The following IGDCC3 variants were observed in gnomAD, a reference collection of about 807,000 sequenced individuals.
IGDCC3 encodes immunoglobulin superfamily DCC subclass member 3.
In IGDCC3, 47 loss-of-function variants were observed where a neutral mutation model predicts 72.0. That is an observed-to-expected ratio of 0.65 (90% CI 0.52 to 0.83). IGDCC3 has a LOEUF of 0.83. Among genes scored for constraint, IGDCC3 ranks in the 40% least tolerant of loss-of-function variants. IGDCC3 has a pLI of 0.00. For missense variants in IGDCC3, 1,038 were observed against 1,091.3 expected (o/e 0.95, Z 0.69); for synonymous variants, 477 against 472.8 (o/e 1.01, Z -0.11).
chr15:65,350,893 CATG>C (rs1203127510), intron 2 of IGDCC3, among the ~76,000 whole-genome samples: 2 of 152,196 alleles, frequency 1.3e-5, no homozygotes, highest in Admixed American at 6.5e-5. Flanking sequence ...AACATTATAA[CATG>C]TAATTGAAAC....
rs754124725 is a variant in IGDCC3 at position 65,328,947 on chromosome 15, C to T, written c.2407G>A (p.Ala803Thr). 6.4e-7 allele frequency: 1 copy of T among 1,574,538 alleles called. No individual in the cohort carries two copies. The highest frequency in any genetic ancestry group is 8.6e-7 in the Non-Finnish European group (1 of 1,163,238). Residue 803 changes from alanine to threonine, a missense_variant, in exon 14 of 14, where the codon GCG (alanine) becomes ACG (threonine). Physicochemically the swap from Ala to Thr is moderately conservative, Grantham distance 58. Coordinates refer to ENST00000327987, the MANE Select transcript of IGDCC3 (RefSeq NM_004884.4). ...LSEGQASRPA[A>T]ARVTQPAHSE... is the part of the protein sequence containing the mutation. ...TGAGCTGGCTGGGTAACCCGGGCCG[C>T]TGCAGGCCTGGAAGCCTGGCCTTCA...
At chr15:65,346,521 A>T (rs962152859) in intron 2 of IGDCC3, among the ~76,000 whole-genome samples, 1 of 151,182 alleles carries the variant, frequency 6.6e-6, no homozygotes, top group African/African-American at 2.4e-5. Flanking sequence ...CAATGGCGCG[A>T]TCTCGGCTCA....
At chr15:65,350,304 T>C (rs532795599) in intron 2 of IGDCC3, among the ~76,000 whole-genome samples, 15 of 151,888 alleles carry the variant, frequency 9.9e-5, no homozygotes, top group African/African-American at 3.6e-4. Context: ...CTAATTTTTG[T>C]ATTTGTAGTA....
At chr15:65,352,104 A>G (rs2091178390) in intron 2 of IGDCC3, among the ~76,000 whole-genome samples, 1 of 152,262 alleles carries the variant, frequency 6.6e-6, no homozygotes, top group African/African-American at 2.4e-5. Context: ...AGTCAACTGA[A>G]TTAACTGAAC....
intron 2 of IGDCC3, among the ~76,000 whole-genome samples, chr15:65,364,295 T>G (rs1324809571): frequency 1.3e-5 from 2 of 152,226 alleles, no homozygotes; most frequent in African/African-American, 4.8e-5. Flanking sequence ...ATTCTGGGAT[T>G]TCGTTTACTC....
intron 2 of IGDCC3, among the ~76,000 whole-genome samples, chr15:65,365,497 GGTCAGT>G (rs754316951): frequency 1.2e-3 from 180 of 152,186 alleles, no homozygotes; most frequent in African/African-American, 4.0e-3. Flanking sequence ...CACCCACTGT[GGTCAGT>G]GTCAGTGTCA....
chr15:65,335,462 T>C lies in IGDCC3; in HGVS notation c.555-41A>G, dbSNP rs370798530. On this transcript the variant is annotated intron_variant, in intron 3 of 13. Transcript: ENST00000327987. ...ACATAGTTGGCCACCAGCACAGCCA[T>C]TGACATAATCAGCCACAAAGACTCT... 18 of 1,578,592 alleles carry C rather than the reference T, an allele frequency of 1.1e-5. No individual in the cohort carries two copies. In the African/African-American group the frequency reaches 1.2e-4, roughly 11 times the overall value.
At chr15:65,373,294 C>A (rs2091338318) in intron 2 of IGDCC3, among the ~76,000 whole-genome samples, 1 of 152,184 alleles carries the variant, frequency 6.6e-6, no homozygotes, top group Admixed American at 6.5e-5. Flanking sequence ...TCCCCACCCT[C>A]TGTCCACGCT....
chr15:65,328,784 C>T lies in IGDCC3; in HGVS notation c.*125G>A, dbSNP rs2090946227. On this transcript the variant is annotated 3_prime_UTR_variant, in exon 14 of 14. Coordinates refer to ENST00000327987, the MANE Select transcript of IGDCC3 (RefSeq NM_004884.4). ...CCTTGGGTTTTGACAACCCAAGAGG[C>T]AGTCAGGATAGAAATGCTGGGGAGC... 14 of 1,228,630 alleles carry T rather than the reference C, an allele frequency of 1.1e-5. No individual in the cohort carries two copies. The highest frequency in any genetic ancestry group is 1.6e-5 in the African/African-American group (1 of 64,008). 76.1% of individuals were successfully genotyped at this position (1,228,630 alleles called of 1,614,324 possible). A position where few individuals can be genotyped will look rare whatever the true frequency, so the allele number is the denominator to read the frequency against.
At chr15:65,349,432 T>C (rs1015490685) in intron 2 of IGDCC3, among the ~76,000 whole-genome samples, 2 of 151,862 alleles carry the variant, frequency 1.3e-5, no homozygotes, top group Non-Finnish European at 2.9e-5. Flanking sequence ...GTTGAATGAA[T>C]GGAAAAAAAA....
At chr15:65,360,609 A>C (rs1397478164) in intron 2 of IGDCC3, among the ~76,000 whole-genome samples, 1 of 152,216 alleles carries the variant, frequency 6.6e-6, no homozygotes, top group Non-Finnish European at 1.5e-5. Flanking sequence ...GGGGGAGGGA[A>C]AAAGAAACCA....
At chr15:65,351,790 T>A (rs528286257) in intron 2 of IGDCC3, among the ~76,000 whole-genome samples, 1 of 152,354 alleles carries the variant, frequency 6.6e-6, no homozygotes, top group South Asian at 2.1e-4. Context: ...ATAATTTTAA[T>A]ATAACTTAGT....
intron 2 of IGDCC3, among the ~76,000 whole-genome samples, chr15:65,353,049 C>A (rs770190335): frequency 6.6e-6 from 1 of 152,158 alleles, no homozygotes; most frequent in Non-Finnish European, 1.5e-5. Context: ...AGCTAACAAC[C>A]CCATATCAGC....
intron 2 of IGDCC3, among the ~76,000 whole-genome samples, chr15:65,366,207 CA>C (rs35152855): frequency 0.21 from 16,052 of 76,792 alleles, 807 homozygotes; most frequent in Non-Finnish European, 0.22. Context: ...GACATTGTCT[CA>C]AAAAAAAAAA....
At chr15:65,361,473 G>GGAAAA (rs370813803) in intron 2 of IGDCC3, among the ~76,000 whole-genome samples, 1 of 151,358 alleles carries the variant, frequency 6.6e-6, no homozygotes, top group African/African-American at 2.4e-5. Context: ...GAAAAGAAAT[G>GGAAAA]GAAAAGAAAA....
chr15:65,336,029 C>T (rs749559003), intron 2 of IGDCC3, 73 bp from the exon 3 acceptor site: 184 of 1,506,526 alleles, frequency 1.2e-4, no homozygotes, highest in Middle Eastern at 4.0e-4. Flanking sequence ...GCTGCAGTGG[C>T]GTCACAGGCA....
chr15:65,332,505 G>A (rs1005392221), intron 6 of IGDCC3, among the ~76,000 whole-genome samples: 6 of 152,026 alleles, frequency 3.9e-5, no homozygotes, highest in African/African-American at 9.7e-5. Context: ...GGGCCCCCTC[G>A]CCCCCACATT....
chr15:65,352,077 C>T (rs1269849495), intron 2 of IGDCC3, among the ~76,000 whole-genome samples: 2 of 152,224 alleles, frequency 1.3e-5, no homozygotes, highest in Admixed American at 1.3e-4. Flanking sequence ...CTGGAAACTT[C>T]ATGAATATCA....
rs76982849 is a variant in IGDCC3 at position 65,328,586 on chromosome 15, CT to C, written c.*322del. 0.055 allele frequency: 10,688 copies of C among 194,602 alleles called. 29 individuals carry two copies. Among genetic ancestry groups the C allele is most frequent in the East Asian group, 0.16 (1,532 of 9,584 alleles). 12.1% of individuals were successfully genotyped at this position (194,602 alleles called of 1,614,324 possible). A position where few individuals can be genotyped will look rare whatever the true frequency, so the allele number is the denominator to read the frequency against. On this transcript the variant is annotated 3_prime_UTR_variant, in exon 14 of 14. Coordinates refer to ENST00000327987, the MANE Select transcript of IGDCC3 (RefSeq NM_004884.4). ...ATTCACCTTCCTCTATCTCTCTCCT[CT>C]TTTTTTTTTTTTTTAAGTTTTGCTT...
Sources: gnomAD v4.1 joint callset for allele counts (sites outside exome capture counted in the v4.1 genomes callset) on GRCh38, gnomAD v4.1.1 for gene constraint, MANE v1.5 for transcripts, NCBI Gene and HGNC (gene_info 2026-07-23, HGNC 2026-07-21) for gene names.